WWOX: variants seen among roughly 807,000 people sequenced by gnomAD.
The protein encoded by WWOX is WW domain containing oxidoreductase.
A neutral mutation model predicts 46.2 loss-of-function variants in WWOX; 69 were observed. The ratio of observed to expected loss-of-function variants is 1.49; its 90% CI spans 1.23 to 1.82. The LOEUF (loss-of-function observed/expected upper bound fraction) is 1.82, where lower values mean the gene tolerates loss of function less well. WWOX is among the 40% of genes most tolerant of loss of function. WWOX has a pLI of 0.00. For synonymous variants in WWOX, 359 were observed against 202.6 expected, an observed-to-expected ratio of 1.77 and a Z score of -6.56; for missense variants, 919 against 542.6, an observed-to-expected ratio of 1.69 and a Z score of -6.89.
At position 78,380,568 on chromosome 16, in the gene WWOX, C is replaced by T. The variant is rs569012780; in HGVS notation, c.517-6292C>T. ...GGATAGGGCTGAATGGTTTATCACC[C>T]ATTCAGCGGTGACCACCACATCTTA... On this transcript the variant is annotated intron_variant, in intron 5 of 8. Transcript: ENST00000566780. 9.2e-5 allele frequency among the ~76,000 whole-genome samples: 14 copies of T among 152,108 alleles called. No homozygotes were observed. In the East Asian group the frequency reaches 2.3e-3, roughly 25 times the overall value.
At chr16:78,188,271 C>T (rs1006561370) in intron 5 of WWOX, among the ~76,000 whole-genome samples, 11 of 152,018 alleles carry the variant, frequency 7.2e-5, no homozygotes, top group East Asian at 1.9e-4. Context: ...GGGCAGATCA[C>T]GAGGTCAGGA....
chr16:78,195,648 C>T (rs142208666), intron 5 of WWOX, among the ~76,000 whole-genome samples: 9 of 151,698 alleles, frequency 5.9e-5, no homozygotes, highest in Non-Finnish European at 1.3e-4. Flanking sequence ...ATGACGAAAC[C>T]CTGTCTCTAC....
intron 8 of WWOX, among the ~76,000 whole-genome samples, chr16:78,948,827 G>C (rs561840144): frequency 1.3e-5 from 2 of 152,234 alleles, no homozygotes; most frequent in East Asian, 1.9e-4. Context: ...CTTTAGAATA[G>C]GAAGGTTATC....
chr16:78,421,294 A>G (rs1036064627), intron 6 of WWOX, among the ~76,000 whole-genome samples: 7 of 152,088 alleles, frequency 4.6e-5, no homozygotes, highest in African/African-American at 1.7e-4. Context: ...CATCTGTTCC[A>G]TGCCTTTCTC....
chr16:78,451,260 G>A (rs74030274), intron 8 of WWOX, among the ~76,000 whole-genome samples: 11,134 of 152,236 alleles, frequency 0.073, 496 homozygotes, highest in East Asian at 0.2. Context: ...GTGAAGATAT[G>A]AAATGTATTT....
intron 8 of WWOX, among the ~76,000 whole-genome samples, chr16:79,107,445 G>T (rs1387949767): frequency 6.6e-6 from 1 of 152,208 alleles, no homozygotes; most frequent in Non-Finnish European, 1.5e-5. Context: ...GTTTTTCCCA[G>T]TTATATCAAT....
intron 8 of WWOX, among the ~76,000 whole-genome samples, chr16:78,804,972 T>C (rs754069159): frequency 3.9e-5 from 6 of 152,238 alleles, no homozygotes; most frequent in Admixed American, 6.5e-5. Flanking sequence ...ATGGTTTCCA[T>C]TGATATTTGG....
chr16:78,880,367 T>C (rs2151214285), intron 8 of WWOX, among the ~76,000 whole-genome samples: 1 of 152,378 alleles, frequency 6.6e-6, no homozygotes, highest in South Asian at 2.1e-4. Flanking sequence ...TCCTGTTTTC[T>C]TTCGTGTTTG....
At chr16:79,175,589 G>T (rs970707603) in intron 8 of WWOX, among the ~76,000 whole-genome samples, 2 of 152,148 alleles carry the variant, frequency 1.3e-5, no homozygotes, top group Non-Finnish European at 2.9e-5. Context: ...GGAAAATGTA[G>T]GTAGTTCATA....
chr16:78,602,033 T>C (rs189925945), intron 8 of WWOX, among the ~76,000 whole-genome samples: 40 of 152,346 alleles, frequency 2.6e-4, no homozygotes, highest in African/African-American at 9.1e-4. Flanking sequence ...TAATGAAATA[T>C]CTTATTAAAA....
intron 8 of WWOX, among the ~76,000 whole-genome samples, chr16:78,795,517 T>G (rs2050714017): frequency 6.6e-6 from 1 of 152,158 alleles, no homozygotes; most frequent in South Asian, 2.1e-4. Flanking sequence ...GGCTTCTTAG[T>G]CCACTGCTGA....
intron 8 of WWOX, among the ~76,000 whole-genome samples, chr16:78,462,838 T>C (rs7204008): frequency 0.035 from 5,267 of 152,276 alleles, 314 homozygotes; most frequent in African/African-American, 0.12. Context: ...GGCAGCCACA[T>C]AGACAACATC....
chr16:78,209,912 T>C (rs1456377425), intron 5 of WWOX, among the ~76,000 whole-genome samples: 2 of 152,194 alleles, frequency 1.3e-5, no homozygotes, highest in African/African-American at 4.8e-5. Context: ...AGCAGAATAG[T>C]AATTTTCTTC....
Position 78,575,585 on chromosome 16 carries a change from C to G in WWOX, c.1056+142833C>G, listed in dbSNP as rs113887802. On this transcript the variant is annotated intron_variant, in intron 8 of 8. Transcript: ENST00000566780. ...GGGCATTGGATCTCCCACATGCCCTCTCTTAAGTCGTGCATTTGACGCATA... is the reference window on the plus strand; with the variant it reads ...GGGCATTGGATCTCCCACATGCCCTGTCTTAAGTCGTGCATTTGACGCATA... Among the ~76,000 whole-genome samples the G allele has an allele frequency of 5.4e-3, 824 of 152,226 alleles. 9 individuals are homozygous for G. The highest frequency in any genetic ancestry group is 0.018 in the African/African-American group (743 of 41,558).
intron 8 of WWOX, among the ~76,000 whole-genome samples, chr16:79,142,861 G>A (rs1000121918): frequency 1.3e-5 from 2 of 151,998 alleles, no homozygotes; most frequent in African/African-American, 4.8e-5. Context: ...ATCATGCTGA[G>A]CTAATTTTTA....
intron 8 of WWOX, among the ~76,000 whole-genome samples, chr16:78,679,677 T>C (rs1305266886): frequency 1.3e-5 from 2 of 152,258 alleles, no homozygotes; most frequent in East Asian, 1.9e-4. Context: ...AGAAGTATTG[T>C]TTTCATATAA....
chr16:78,289,902 G>A (rs1368166127), intron 5 of WWOX, among the ~76,000 whole-genome samples: 1 of 152,110 alleles, frequency 6.6e-6, no homozygotes, highest in Non-Finnish European at 1.5e-5. Flanking sequence ...AATGTTCACT[G>A]ACATTTTTAG....
intron 8 of WWOX, among the ~76,000 whole-genome samples, chr16:78,805,122 T>A (rs548138651): frequency 6.7e-6 from 1 of 149,946 alleles, no homozygotes; most frequent in Non-Finnish European, 1.5e-5. Flanking sequence ...TACCAAAATA[T>A]CAAAATTTAA....
intron 8 of WWOX, chr16:78,825,612 C>T: frequency 3.8e-6 from 2 of 526,318 alleles, no homozygotes; most frequent in Admixed American, 2.0e-5. Flanking sequence ...CCTAGGAGGG[C>T]TTACTGTGCG....
Sources: allele counts gnomAD v4.1 joint callset (sites outside exome capture counted in the v4.1 genomes callset), GRCh38; gene constraint gnomAD v4.1.1; transcripts MANE v1.5; gene names NCBI Gene and HGNC (gene_info 2026-07-23, HGNC 2026-07-21).